The following SGCZ variants were observed in gnomAD, a reference collection of about 807,000 sequenced individuals.
SGCZ encodes the protein sarcoglycan zeta.
In SGCZ, 40 loss-of-function variants were observed where a neutral mutation model predicts 41.3. That is an observed-to-expected ratio of 0.97 (90% confidence interval 0.75 to 1.26). The LOEUF (loss-of-function observed/expected upper bound fraction) is 1.26. Ranked by LOEUF, SGCZ falls within the 50% of genes most tolerant of loss-of-function variation. SGCZ has a pLI of 0.00. For missense variants in SGCZ, 552 were observed against 369.8 expected, an observed-to-expected ratio of 1.49 and a Z score of -4.04; for synonymous variants, 206 against 137.5, an observed-to-expected ratio of 1.50 and a Z score of -3.49.
chr8:14,743,520 C>A (rs1799256445), intron 1 of SGCZ, among the ~76,000 whole-genome samples: 1 of 151,558 alleles, frequency 6.6e-6, no homozygotes, highest in African/African-American at 2.4e-5. Flanking sequence ...AATTTTTGTT[C>A]TTTTATTTTG....
chr8:14,145,540 T>C (rs1470843070), intron 5 of SGCZ, among the ~76,000 whole-genome samples: 2 of 152,102 alleles, frequency 1.3e-5, no homozygotes, highest in Admixed American at 6.5e-5. Context: ...CCAAAGAACA[T>C]TGTTAATATC....
At chr8:14,991,276 T>C (rs766212948) in intron 1 of SGCZ, among the ~76,000 whole-genome samples, 1 of 152,104 alleles carries the variant, frequency 6.6e-6, no homozygotes, top group Non-Finnish European at 1.5e-5. Context: ...TAGTAATAGG[T>C]ACTTTGCTAA....
At chr8:14,286,635 T>C (rs1800641936) in intron 3 of SGCZ, among the ~76,000 whole-genome samples, 1 of 152,190 alleles carries the variant, frequency 6.6e-6, no homozygotes, top group African/African-American at 2.4e-5. Context: ...CTGATCATTT[T>C]ATTTTTAATG....
intron 2 of SGCZ, among the ~76,000 whole-genome samples, chr8:14,383,859 G>C (rs1300443658): frequency 6.6e-6 from 1 of 152,120 alleles, no homozygotes; most frequent in Non-Finnish European, 1.5e-5. Flanking sequence ...TATTTGGCAG[G>C]AAGAGTGGAG....
At chr8:14,099,734 A>AG (rs1801953906) in intron 7 of SGCZ, among the ~76,000 whole-genome samples, 1 of 152,130 alleles carries the variant, frequency 6.6e-6, no homozygotes, top group African/African-American at 2.4e-5. Context: ...TCAAAAAAAA[A>AG]TGCTTTATTA....
rs112815263 is a variant in SGCZ, at chr8:15,113,662, C to T, written c.39+123923G>A. The stretch of plus-strand genomic sequence containing the variant: ...ATATTCCTGCTTTCAGTCCCCCTTC[C>T]TCATACAGTCTGCCTAAAAGTCATC... On this transcript the variant is annotated intron_variant, in intron 1 of 7. Coordinates refer to ENST00000382080, the MANE Select transcript of SGCZ (RefSeq NM_139167.4). Among the ~76,000 whole-genome samples the T allele has an allele frequency of 2.5e-3, 386 of 152,258 alleles. 3 individuals are homozygous for T. Among genetic ancestry groups the T allele is most frequent in the South Asian group, 0.016 (77 of 4,824 alleles).
At chr8:14,880,246 CAAT>C (rs949322484) in intron 1 of SGCZ, among the ~76,000 whole-genome samples, 3 of 152,158 alleles carry the variant, frequency 2.0e-5, no homozygotes, top group African/African-American at 7.2e-5. Context: ...ATCAAAACCA[CAAT>C]GAGATACCAT....
At chr8:14,635,690 T>A (rs1806804596) in intron 1 of SGCZ, among the ~76,000 whole-genome samples, 1 of 151,790 alleles carries the variant, frequency 6.6e-6, no homozygotes, top group Admixed American at 6.6e-5. Flanking sequence ...GAAAAGTGAT[T>A]AAATTTCTGG....
At chr8:14,995,157 T>C (rs1802170860) in intron 1 of SGCZ, among the ~76,000 whole-genome samples, 1 of 152,248 alleles carries the variant, frequency 6.6e-6, no homozygotes. Flanking sequence ...GTGAGGCATT[T>C]GGACAGGGAG....
chr8:14,507,423 A>G (rs1802337743), intron 2 of SGCZ, among the ~76,000 whole-genome samples: 1 of 149,354 alleles, frequency 6.7e-6, no homozygotes, highest in South Asian at 2.1e-4. Flanking sequence ...CCTGTAATTT[A>G]TTAGATACAA....
chr8:14,502,634 G>A (rs1365598959), intron 2 of SGCZ, among the ~76,000 whole-genome samples: 1 of 152,088 alleles, frequency 6.6e-6, no homozygotes, highest in Non-Finnish European at 1.5e-5. Flanking sequence ...CCATTAAAAA[G>A]TGGGCGAAGA....
intron 1 of SGCZ, among the ~76,000 whole-genome samples, chr8:14,980,676 C>T (rs1801630211): frequency 6.6e-6 from 1 of 152,116 alleles, no homozygotes; most frequent in African/African-American, 2.4e-5. Context: ...ACCATCAGAT[C>T]TCATGAGACT....
chr8:14,893,647 G>A (rs1805099500), intron 1 of SGCZ, among the ~76,000 whole-genome samples: 1 of 152,104 alleles, frequency 6.6e-6, no homozygotes, highest in Admixed American at 6.5e-5. Flanking sequence ...TCATTTATCA[G>A]GGATTCAATA....
intron 1 of SGCZ, among the ~76,000 whole-genome samples, chr8:15,167,180 G>A (rs1022184883): frequency 6.6e-6 from 1 of 152,156 alleles, no homozygotes; most frequent in East Asian, 1.9e-4. Flanking sequence ...TGGCAATAAG[G>A]CTATTTGCAT....
At chr8:14,258,659 T>C (rs1490135243) in intron 3 of SGCZ, among the ~76,000 whole-genome samples, 3 of 152,184 alleles carry the variant, frequency 2.0e-5, no homozygotes, top group Non-Finnish European at 4.4e-5. Flanking sequence ...GAGCACAAAA[T>C]AATATACAAA....
chr8:14,254,819 A>G (rs1799405766), intron 3 of SGCZ, among the ~76,000 whole-genome samples: 1 of 152,134 alleles, frequency 6.6e-6, no homozygotes, highest in African/African-American at 2.4e-5. Context: ...TCAATTTACT[A>G]AAGCTGTAGA....
At chr8:14,207,529 A>T (rs758607989) in intron 4 of SGCZ, among the ~76,000 whole-genome samples, 1 of 152,076 alleles carries the variant, frequency 6.6e-6, no homozygotes, top group African/African-American at 2.4e-5. Context: ...ACATTGATCT[A>T]GTTTTCTATA....
chr8:14,089,273 T>A lies in SGCZ; in HGVS notation c.*1170A>T, dbSNP rs111919285. The stretch of plus-strand genomic sequence containing the variant: ...AAATGGGACTAAATTCCCTAAAATA[T>A]GAATGTAGTGAAGTAAACACATTTT... On this transcript the variant is annotated 3_prime_UTR_variant, in exon 8 of 8. Transcript: ENST00000382080. 5.3e-5 allele frequency among the ~76,000 whole-genome samples: 8 copies of A among 152,090 alleles called. No homozygotes were observed. The South Asian group carries it at 1.7e-3, about 31-fold the overall frequency.
intron 1 of SGCZ, among the ~76,000 whole-genome samples, chr8:15,161,708 C>A (rs892014502): frequency 2.0e-5 from 3 of 152,080 alleles, no homozygotes; most frequent in African/African-American, 7.2e-5. Flanking sequence ...TAACAAAATA[C>A]AAATAAGTCA....
Sources: allele counts gnomAD v4.1 joint callset (sites outside exome capture counted in the v4.1 genomes callset), GRCh38; gene constraint gnomAD v4.1.1; transcripts MANE v1.5; gene names NCBI Gene and HGNC (gene_info 2026-07-23, HGNC 2026-07-21).